CREB3L2: variants seen among roughly 807,000 people sequenced by gnomAD.
CREB3L2 encodes the protein cAMP responsive element binding protein 3 like 2, also known as cyclic AMP-responsive element-binding protein 3-like protein 2.
CREB3L2 carries 23 observed loss-of-function variants against 57.2 expected under a neutral mutation model. That is an observed-to-expected ratio of 0.40 (90% CI 0.29 to 0.57). CREB3L2 has a LOEUF of 0.57. Among genes scored for constraint, CREB3L2 ranks in the 20% least tolerant of loss-of-function variants. CREB3L2 has a pLI of 0.42. For missense variants in CREB3L2, 628 were observed against 634.7 expected (o/e 0.99, Z 0.11); for synonymous variants, 268 against 265.1 (o/e 1.01, Z -0.11).
intron 1 of CREB3L2, among the ~76,000 whole-genome samples, chr7:137,971,236 T>A (rs1298848595): frequency 6.6e-6 from 1 of 151,392 alleles, no homozygotes; most frequent in Non-Finnish European, 1.5e-5. Flanking sequence ...GGATCACGAG[T>A]TCAGGAGATG....
At position 137,908,249 on chromosome 7, in the gene CREB3L2, T is replaced by C. The variant is rs1799930896; in HGVS notation, c.768+3A>G. ...GGTCCAGGAATGCCCGCTGCATACT[T>C]ACATGAGGAGCCGTGAGGAGAGGGG... On this transcript the variant is annotated splice_donor_region_variant and intron_variant, in intron 5 of 11. Transcript: ENST00000330387. 3 of 1,256,826 alleles carry C rather than the reference T, an allele frequency of 2.4e-6. No individual in the cohort carries two copies. Among genetic ancestry groups the C allele is most frequent in the Non-Finnish European group, 3.0e-6 (3 of 992,058 alleles). 77.9% of individuals were successfully genotyped at this position (1,256,826 alleles called of 1,614,324 possible).
chr7:137,903,310 T>C (rs1799804038), intron 7 of CREB3L2, among the ~76,000 whole-genome samples: 2 of 152,328 alleles, frequency 1.3e-5, no homozygotes, highest in Non-Finnish European at 2.9e-5. Context: ...CAGATCCACA[T>C]GAAGTTCATT....
At chr7:137,986,410 G>A (rs2117321489) in intron 1 of CREB3L2, among the ~76,000 whole-genome samples, 1 of 152,362 alleles carries the variant, frequency 6.6e-6, no homozygotes, top group South Asian at 2.1e-4. Flanking sequence ...GTTGGCAGCA[G>A]AGGCTGGAGC....
intron 1 of CREB3L2, among the ~76,000 whole-genome samples, chr7:137,964,144 T>G (rs1801369493): frequency 6.6e-6 from 1 of 152,024 alleles, no homozygotes; most frequent in African/African-American, 2.4e-5. Context: ...GGTGAAACCC[T>G]GTCTCTACTA....
chr7:137,889,060 C>T (rs1360940394), intron 8 of CREB3L2, among the ~76,000 whole-genome samples: 3 of 149,516 alleles, frequency 2.0e-5, no homozygotes, highest in African/African-American at 7.3e-5. Context: ...CCATCCCCTA[C>T]CCCTTGCCTA....
chr7:137,881,225 A>G (rs1799284319), intron 11 of CREB3L2, among the ~76,000 whole-genome samples: 1 of 152,172 alleles, frequency 6.6e-6, no homozygotes, highest in Admixed American at 6.5e-5. Context: ...TGACGGGAAT[A>G]ATAATGATGC....
chr7:137,952,773 T>C (rs1801127661), intron 1 of CREB3L2, among the ~76,000 whole-genome samples: 1 of 152,220 alleles, frequency 6.6e-6, no homozygotes. Context: ...TATTTACCTA[T>C]CTATCCTACT....
chr7:137,905,864 A>G lies in CREB3L2; in HGVS notation c.769-16T>C. On this transcript the variant is annotated splice_polypyrimidine_tract_variant and intron_variant, in intron 5 of 11. Transcript: ENST00000330387. ...CCTGCAGTTTCTGTGCAGACCAAGG[A>G]GCAGAAAAGGGTCAAAGAAAAAGAA... The G allele has an allele frequency of 1.3e-6, 2 of 1,583,838 alleles. No homozygotes were observed. The highest frequency in any genetic ancestry group is 1.7e-6 in the Non-Finnish European group (2 of 1,168,560).
intron 1 of CREB3L2, among the ~76,000 whole-genome samples, chr7:137,989,088 G>A (rs1219516641): frequency 6.6e-6 from 1 of 152,216 alleles, no homozygotes; most frequent in Non-Finnish European, 1.5e-5. Flanking sequence ...CCAATTTTGA[G>A]GACTGATATT....
chr7:137,897,430 C>T (rs1799651475), intron 8 of CREB3L2, among the ~76,000 whole-genome samples: 1 of 152,190 alleles, frequency 6.6e-6, no homozygotes, highest in African/African-American at 2.4e-5. Flanking sequence ...AGTGCAATGG[C>T]ACAATCTCGG....
intron 1 of CREB3L2, among the ~76,000 whole-genome samples, chr7:137,932,576 TAAAC>T (rs1180290154): frequency 6.6e-6 from 1 of 151,836 alleles, no homozygotes; most frequent in Non-Finnish European, 1.5e-5. Context: ...CTACAAAAAA[TAAAC>T]AACAACAACA....
chr7:137,962,923 T>C (rs1415905216), intron 1 of CREB3L2, among the ~76,000 whole-genome samples: 1 of 152,158 alleles, frequency 6.6e-6, no homozygotes, highest in Non-Finnish European at 1.5e-5. Context: ...CCTCTTTGCT[T>C]TCTCTCTGCA....
At chr7:137,950,845 G>A (rs1801080660) in intron 1 of CREB3L2, among the ~76,000 whole-genome samples, 1 of 152,164 alleles carries the variant, frequency 6.6e-6, no homozygotes, top group Admixed American at 6.6e-5. Flanking sequence ...GGCCTGGGGA[G>A]GCTTTCCCTA....
chr7:137,921,316 A>C (rs1800269759), intron 2 of CREB3L2, among the ~76,000 whole-genome samples: 2 of 152,224 alleles, frequency 1.3e-5, no homozygotes, highest in African/African-American at 4.8e-5. Context: ...TTCCTGTCAA[A>C]GGTCAAACTC....
intron 8 of CREB3L2, among the ~76,000 whole-genome samples, chr7:137,900,194 T>C (rs1338422589): frequency 6.6e-6 from 1 of 152,192 alleles, no homozygotes; most frequent in Non-Finnish European, 1.5e-5. Flanking sequence ...TAAACCTCCA[T>C]ATACTCCTCC....
intron 2 of CREB3L2, among the ~76,000 whole-genome samples, chr7:137,916,883 A>T (rs1800149912): frequency 6.6e-6 from 1 of 152,186 alleles, no homozygotes; most frequent in South Asian, 2.1e-4. Context: ...ATGAGAGAAC[A>T]TGGTGAGTAG....
intron 1 of CREB3L2, among the ~76,000 whole-genome samples, chr7:137,937,977 T>C (rs1030684744): frequency 1.3e-5 from 2 of 151,962 alleles, no homozygotes; most frequent in African/African-American, 4.8e-5. Flanking sequence ...TATAAATCCA[T>C]TGGTAGGGTA....
At chr7:137,922,411 T>C (rs1194845130) in intron 2 of CREB3L2, among the ~76,000 whole-genome samples, 1 of 24,444 alleles carries the variant, frequency 4.1e-5, no homozygotes. Context: ...TATATATATA[T>C]ATATGTATAT....
intron 1 of CREB3L2, among the ~76,000 whole-genome samples, chr7:137,947,845 C>T (rs909615623): frequency 6.6e-5 from 10 of 152,182 alleles, no homozygotes; most frequent in East Asian, 3.8e-4. Context: ...GCTGGTGTCA[C>T]GTCTAGAATA....
Sources: gnomAD v4.1 joint callset for allele counts (sites outside exome capture counted in the v4.1 genomes callset) on GRCh38, gnomAD v4.1.1 for gene constraint, MANE v1.5 for transcripts, NCBI Gene and HGNC (gene_info 2026-07-23, HGNC 2026-07-21) for gene names.